ANKMY2: variants seen among roughly 807,000 people sequenced by gnomAD.
ANKMY2 encodes the protein ankyrin repeat and MYND domain-containing protein 2.
ANKMY2 carries 36 observed loss-of-function variants against 50.4 expected under a neutral mutation model. The observed-to-expected ratio is 0.71, with a 90% confidence interval of 0.55 to 0.94. ANKMY2 has a LOEUF of 0.94. Ranked by LOEUF, ANKMY2 falls within the 40% of genes least tolerant of loss-of-function variation. The pLI is 0.00. For missense variants in ANKMY2, 565 were observed against 524.0 expected (o/e 1.08, Z -0.76); for synonymous variants, 187 against 178.8 (o/e 1.05, Z -0.36).
At chr7:16,640,676 C>G (rs982829988) in intron 1 of ANKMY2, among the ~76,000 whole-genome samples, 1 of 151,954 alleles carries the variant, frequency 6.6e-6, no homozygotes, top group Non-Finnish European at 1.5e-5. Context: ...TGCACGCCAC[C>G]GCACCCAGCT....
chr7:16,634,499 G>C (rs1270324299), intron 2 of ANKMY2, among the ~76,000 whole-genome samples: 1 of 152,190 alleles, frequency 6.6e-6, no homozygotes, highest in Non-Finnish European at 1.5e-5. Context: ...CCCAGGAAGA[G>C]TAAAAGAGAG....
rs757837562 is a variant in ANKMY2, at chr7:16,645,528, G to C, written c.46C>G (p.Leu16Val). The change falls in exon 1 of 10, where the codon CTA becomes GTA. Residue 16 changes from leucine to valine, a missense_variant. By Grantham distance (32) the Leu-to-Val change is conservative. Coordinates refer to ENST00000306999, the MANE Select transcript of ANKMY2 (RefSeq NM_020319.3). ...GTACCTTTCCCGATGACTTCCAGTA[G>C]CTCCTTCTCCTCCTGGGTCAGCTCG... ...KGELTQEEKELLEVIGKGTVQ... is the reference protein window; with the variant it reads ...KGELTQEEKEVLEVIGKGTVQ... 2 of 1,611,782 alleles carry C rather than the reference G, an allele frequency of 1.2e-6. No homozygotes were observed. The highest frequency in any genetic ancestry group is 1.3e-5 in the African/African-American group (1 of 74,878).
chr7:16,630,761 A>G (rs1781570866), intron 2 of ANKMY2, among the ~76,000 whole-genome samples: 2 of 152,214 alleles, frequency 1.3e-5, no homozygotes, highest in African/African-American at 4.8e-5. Context: ...GTAGTGCCAG[A>G]GGGAAAGAGA....
chr7:16,640,157 ACT>A (rs548024024), intron 1 of ANKMY2, among the ~76,000 whole-genome samples: 160 of 152,176 alleles, frequency 1.1e-3, no homozygotes, highest in Middle Eastern at 6.8e-3. Flanking sequence ...CAAGAGCGAG[ACT>A]CTGTCTCAAA....
chr7:16,634,052 G>C (rs1394496650), intron 2 of ANKMY2, among the ~76,000 whole-genome samples: 3 of 152,108 alleles, frequency 2.0e-5, no homozygotes, highest in Non-Finnish European at 2.9e-5. Context: ...TGGGTAAAGA[G>C]TTAACAGAAC....
intron 3 of ANKMY2, among the ~76,000 whole-genome samples, chr7:16,626,317 G>A (rs1324848752): frequency 6.6e-6 from 1 of 152,040 alleles, no homozygotes; most frequent in Non-Finnish European, 1.5e-5. Context: ...AATCTTTTAA[G>A]ACATATAATA....
intron 2 of ANKMY2, among the ~76,000 whole-genome samples, chr7:16,633,077 G>A (rs1781610795): frequency 6.6e-6 from 1 of 151,900 alleles, no homozygotes; most frequent in South Asian, 2.1e-4. Flanking sequence ...CAGATCCTTG[G>A]CTCATTTTTT....
intron 1 of ANKMY2, among the ~76,000 whole-genome samples, chr7:16,644,003 A>G (rs1481425953): frequency 6.6e-6 from 1 of 151,900 alleles, no homozygotes; most frequent in Non-Finnish European, 1.5e-5. Context: ...CAAACAAACG[A>G]GAGAGAGAGA....
chr7:16,629,995 G>C (rs1478248502), intron 2 of ANKMY2, among the ~76,000 whole-genome samples: 1 of 151,940 alleles, frequency 6.6e-6, no homozygotes, highest in Non-Finnish European at 1.5e-5. Context: ...TAAATATCCA[G>C]AAAAGGAAAT....
intron 1 of ANKMY2, among the ~76,000 whole-genome samples, chr7:16,638,195 A>C (rs777722258): frequency 2.6e-5 from 4 of 152,096 alleles, no homozygotes; most frequent in Non-Finnish European, 4.4e-5. Context: ...CTATAATTTA[A>C]CTCATTTCTA....
At chr7:16,636,762 C>G (rs1357713332) in intron 1 of ANKMY2, among the ~76,000 whole-genome samples, 1 of 151,486 alleles carries the variant, frequency 6.6e-6, no homozygotes, top group Admixed American at 6.6e-5. Flanking sequence ...AGACTTAATA[C>G]TGAAAAAAAA....
intron 2 of ANKMY2, among the ~76,000 whole-genome samples, chr7:16,629,213 G>C (rs916012719): frequency 6.6e-6 from 1 of 152,108 alleles, no homozygotes; most frequent in African/African-American, 2.4e-5. Flanking sequence ...GGTTTTTAGA[G>C]CAAACCAATG....
At chr7:16,644,231 CTG>C (rs1264767353) in intron 1 of ANKMY2, among the ~76,000 whole-genome samples, 1 of 152,240 alleles carries the variant, frequency 6.6e-6, no homozygotes, top group Non-Finnish European at 1.5e-5. Context: ...AACTGAAAGA[CTG>C]AAATGCCAAA....
Position 16,604,731 on chromosome 7 carries a change from A to T in ANKMY2, c.1001T>A (p.Val334Asp). The change falls in exon 8 of 10, where the codon GTT (valine) becomes GAT (aspartate). Residue 334 changes from valine (V) to aspartate (D), a missense_variant. Physicochemically the swap from Val to Asp is radical, Grantham distance 152 (BLOSUM62 -3). Transcript: ENST00000306999. The part of the protein sequence containing the change: ...GEKGASKRCS[V>D]CKMVIYCDQT... ...GAACTCCATTCTTACCATTTTGCAA[A>T]CTGAACATCTTTTACTTGCTCCCTT... 6.2e-7 allele frequency: 1 copy of T among 1,613,812 alleles called. No homozygotes were observed. The highest frequency in any genetic ancestry group is 8.5e-7 in the Non-Finnish European group (1 of 1,179,828).
intron 1 of ANKMY2, among the ~76,000 whole-genome samples, chr7:16,640,530 A>AT (rs1469914696): frequency 1.3e-5 from 2 of 152,028 alleles, no homozygotes; most frequent in African/African-American, 2.4e-5. Flanking sequence ...TATTGTTTTA[A>AT]TTTTTTATAG....
chr7:16,623,589 G>A (rs1482621534), intron 4 of ANKMY2, among the ~76,000 whole-genome samples: 2 of 152,062 alleles, frequency 1.3e-5, no homozygotes, highest in African/African-American at 4.8e-5. Context: ...TCAGAAAACT[G>A]AGGCCTATGG....
Position 16,612,745 on chromosome 7 carries a change from G to A in ANKMY2, c.532-1982C>T, listed in dbSNP as rs180867924. 3.7e-3 allele frequency among the ~76,000 whole-genome samples: 562 copies of A among 151,992 alleles called. 3 individuals are homozygous for A. Among genetic ancestry groups the A allele is most frequent in the African/African-American group, 0.013 (544 of 41,446 alleles). On this transcript the variant is annotated intron_variant, in intron 5 of 9. Transcript: ENST00000306999. ...ACAAATAACCACATCATTAACATGC[G>A]CTTATTGAAACAACTACATAGCTGC...
chr7:16,623,645 C>A (rs1781472334), intron 4 of ANKMY2, among the ~76,000 whole-genome samples: 1 of 152,178 alleles, frequency 6.6e-6, no homozygotes, highest in South Asian at 2.1e-4. Context: ...TATCAGCACA[C>A]ATGAACTAAA....
intron 1 of ANKMY2, chr7:16,644,799 G>T: frequency 2.2e-6 from 1 of 458,958 alleles, no homozygotes. Flanking sequence ...CAGCACTGCG[G>T]AAGTGGGGCA....
Sources: gnomAD v4.1 joint callset for allele counts (sites outside exome capture counted in the v4.1 genomes callset) on GRCh38, gnomAD v4.1.1 for gene constraint, MANE v1.5 for transcripts, NCBI Gene and HGNC (gene_info 2026-07-23, HGNC 2026-07-21) for gene names.